Variants in LPAR6 observed in about 807,000 individuals in gnomAD.
LPAR6 encodes G-protein coupled purinergic receptor P2Y5.
LPAR6 carries 17 observed loss-of-function variants against 22.0 expected under a neutral mutation model. The observed-to-expected ratio is 0.77, with a 90% CI of 0.53 to 1.16. LPAR6 has a LOEUF of 1.16. LPAR6 is among the 50% of genes most tolerant of loss of function. The probability of loss-of-function intolerance (pLI) is 0.00; values close to 1 mark genes in which losing one functional copy is unlikely to be tolerated. For missense variants in LPAR6, 384 were observed against 406.9 expected, an observed-to-expected ratio of 0.94 and a Z score of 0.48; for synonymous variants, 136 against 139.8, an observed-to-expected ratio of 0.97 and a Z score of 0.19.
chr13:48,413,988 A>C (rs2138211090), upstream of LPAR6, among the ~76,000 whole-genome samples: 1 of 152,274 alleles, frequency 6.6e-6, no homozygotes, highest in African/African-American at 2.4e-5. Context: ...ATATTGAAAT[A>C]TATTTCAGAT....
At chr13:48,397,776 A>G (rs1482689664) in intron 1 of LPAR6, among the ~76,000 whole-genome samples, 2 of 152,200 alleles carry the variant, frequency 1.3e-5, no homozygotes, top group African/African-American at 4.8e-5. Flanking sequence ...TGACAAACTT[A>G]TAAACAAAAT....
At chr13:48,436,575 G>A (rs1310540746) in intron 1 of LPAR6, among the ~76,000 whole-genome samples, 10 of 151,904 alleles carry the variant, frequency 6.6e-5, no homozygotes, top group East Asian at 3.9e-4. Flanking sequence ...CCCGGGAGAC[G>A]GAGGTTGCAG....
rs1031000284 is a variant in LPAR6 at position 48,434,873 on chromosome 13, C to T, written c.-1474+9680G>A. On this transcript the variant is annotated intron_variant, in intron 1 of 6. Coordinates refer to the LPAR6 transcript ENST00000378434. ...CAGTATAATTTTCTGGAGATCCATT[C>T]ACGATATTGCATGTATCAATAGTTC... Among the ~76,000 whole-genome samples, 5 of 152,188 alleles carry T rather than the reference C, an allele frequency of 3.3e-5. No individual in the cohort carries two copies. The South Asian group carries it at 6.2e-4, about 19-fold the overall frequency.
intron 1 of LPAR6, among the ~76,000 whole-genome samples, chr13:48,400,977 A>G (rs1300254070): frequency 6.6e-6 from 1 of 152,134 alleles, no homozygotes; most frequent in Non-Finnish European, 1.5e-5. Flanking sequence ...CAAAATGGAA[A>G]AAGTTCAGGG....
At chr13:48,419,685 TA>T (rs1023430846) in intron 2 of LPAR6, among the ~76,000 whole-genome samples, 1 of 151,364 alleles carries the variant, frequency 6.6e-6, no homozygotes, top group African/African-American at 2.4e-5. Context: ...ATAGACACAA[TA>T]AAAAAATGCT....
chr13:48,432,841 A>G (rs1007680888), intron 1 of LPAR6, among the ~76,000 whole-genome samples: 1 of 152,168 alleles, frequency 6.6e-6, no homozygotes, highest in African/African-American at 2.4e-5. Context: ...ATTATAAGAG[A>G]CAGAATAAAA....
chr13:48,412,646 T>C lies in LPAR6; in HGVS notation c.-223A>G. On this transcript the variant is annotated 5_prime_UTR_variant, in exon 1 of 1. Coordinates refer to ENST00000620633, the MANE Select transcript of LPAR6 (RefSeq NM_001162498.3). ...TTCTTCAACAGGAAAATATTTTCAT[T>C]TGTTAGTCTTTAGAAAATCCATGAA... The C allele has an allele frequency of 5.2e-6, 3 of 577,306 alleles. No homozygotes were observed. The highest frequency in any genetic ancestry group is 6.3e-6 in the Non-Finnish European group (2 of 315,988). 35.8% of individuals were successfully genotyped at this position (577,306 alleles called of 1,614,324 possible).
At chr13:48,428,955 G>A (rs561139359), upstream of LPAR6, among the ~76,000 whole-genome samples, 1 of 152,274 alleles carries the variant, frequency 6.6e-6, no homozygotes, top group East Asian at 1.9e-4. Context: ...AGTTAAAAAG[G>A]ATTGGTCTCT....
At chr13:48,434,317 G>C (rs1407470937) in intron 1 of LPAR6, among the ~76,000 whole-genome samples, 1 of 151,922 alleles carries the variant, frequency 6.6e-6, no homozygotes, top group Non-Finnish European at 1.5e-5. Context: ...ATTCTTCAGT[G>C]AATCTGTTTT....
downstream of LPAR6, among the ~76,000 whole-genome samples, chr13:48,407,193 A>G (rs1948748200): frequency 6.6e-6 from 1 of 152,238 alleles, no homozygotes. Context: ...CTTGAAATCT[A>G]TTATGAGTAA....
downstream of LPAR6, chr13:48,408,585 GGGGAA>G (rs1426676798): frequency 6.6e-6 from 1 of 152,022 alleles, no homozygotes; most frequent in Non-Finnish European, 1.5e-5. Flanking sequence ...CTGAATAAAG[GGGGAA>G]GGGAAGAGAA....
intron 1 of LPAR6, among the ~76,000 whole-genome samples, chr13:48,435,778 A>G (rs148276624): frequency 4.9e-4 from 75 of 152,210 alleles, no homozygotes; most frequent in African/African-American, 1.8e-3. Flanking sequence ...GGCACCATGG[A>G]TGTTCAGTTG....
chr13:48,422,275 C>A (rs1949017868), intron 2 of LPAR6, among the ~76,000 whole-genome samples: 1 of 152,100 alleles, frequency 6.6e-6, no homozygotes, highest in Admixed American at 6.6e-5. Flanking sequence ...GAACAGAAAA[C>A]CAAACACCGC....
chr13:48,438,685 A>G (rs1949207429), intron 1 of LPAR6, among the ~76,000 whole-genome samples: 1 of 152,050 alleles, frequency 6.6e-6, no homozygotes, highest in African/African-American at 2.4e-5. Context: ...CTCCTTGTCT[A>G]CCTTTCTTCA....
intron 1 of LPAR6, among the ~76,000 whole-genome samples, chr13:48,440,969 A>G (rs562310978): frequency 1.3e-5 from 2 of 152,346 alleles, no homozygotes; most frequent in South Asian, 4.1e-4. Context: ...TCCTGCAGAC[A>G]TTCTAAGGAT....
intron 1 of LPAR6, among the ~76,000 whole-genome samples, chr13:48,399,610 A>G (rs1384744071): frequency 6.6e-6 from 1 of 152,072 alleles, no homozygotes; most frequent in Non-Finnish European, 1.5e-5. Flanking sequence ...ATGGGTTTTC[A>G]TGTGGGTCCT....
At chr13:48,390,353 A>G (rs1264948339) in intron 1 of LPAR6, among the ~76,000 whole-genome samples, 1 of 152,186 alleles carries the variant, frequency 6.6e-6, no homozygotes, top group Non-Finnish European at 1.5e-5. Flanking sequence ...CTGGAGACAG[A>G]ACATTTCTGG....
downstream of LPAR6, among the ~76,000 whole-genome samples, chr13:48,407,522 T>G (rs1456411706): frequency 6.6e-6 from 1 of 152,140 alleles, no homozygotes; most frequent in African/African-American, 2.4e-5. Flanking sequence ...CAAGTAAAAA[T>G]GATAAAGAGA....
rs1304973451 is a variant in LPAR6, at chr13:48,439,034, A to G, written c.-1474+5519T>C. Among the ~76,000 whole-genome samples, 5 of 152,184 alleles carry G rather than the reference A, an allele frequency of 3.3e-5. No individual in the cohort carries two copies. The South Asian group carries it at 1.0e-3, about 31-fold the overall frequency. On this transcript the variant is annotated intron_variant, in intron 1 of 6. Transcript: ENST00000378434. ...TAGGGGTAAACAGCAACCTAGAAAC[A>G]TGGTTAAAAGCATGACAATGGGCAA...
Sources: allele counts gnomAD v4.1 joint callset (sites outside exome capture counted in the v4.1 genomes callset), GRCh38; gene constraint gnomAD v4.1.1; transcripts MANE v1.5; gene names NCBI Gene and HGNC (gene_info 2026-07-23, HGNC 2026-07-21).